The following RIT2 variants were observed in gnomAD, a reference collection of about 807,000 sequenced individuals.
RIT2 encodes the protein Ras like without CAAX 2.
A neutral mutation model predicts 23.7 loss-of-function variants in RIT2; 24 were observed. The observed-to-expected ratio is 1.01, with a 90% confidence interval of 0.73 to 1.43. RIT2 has a LOEUF of 1.43. Among genes scored for constraint, RIT2 ranks in the 40% most tolerant of loss-of-function variants. RIT2 has a pLI of 0.00. For synonymous variants in RIT2, 107 were observed against 91.1 expected (o/e 1.17, Z -0.99); for missense variants, 236 against 266.9 (o/e 0.88, Z 0.81).
intron 4 of RIT2, among the ~76,000 whole-genome samples, chr18:42,812,678 G>A (rs1444532829): frequency 6.6e-6 from 1 of 152,082 alleles, no homozygotes; most frequent in Non-Finnish European, 1.5e-5. Flanking sequence ...GTGTTTTATG[G>A]AAGGGGAGAA....
At chr18:43,001,299 G>A (rs1911098812) in intron 2 of RIT2, among the ~76,000 whole-genome samples, 1 of 151,960 alleles carries the variant, frequency 6.6e-6, no homozygotes. Flanking sequence ...GGGCTTCAAT[G>A]TAGGCAGAAA....
intron 4 of RIT2, among the ~76,000 whole-genome samples, chr18:42,766,848 G>A (rs1913434125): frequency 6.6e-6 from 1 of 152,220 alleles, no homozygotes; most frequent in Non-Finnish European, 1.5e-5. Context: ...GGCTGAAAGG[G>A]CCAACTTAGA....
At chr18:42,834,048 GA>G (rs1045130578) in intron 4 of RIT2, among the ~76,000 whole-genome samples, 7 of 152,104 alleles carry the variant, frequency 4.6e-5, no homozygotes, top group Non-Finnish European at 8.8e-5. Context: ...TTCAAACAAA[GA>G]GACGTAAAAT....
At chr18:43,015,348 A>C (rs991903270) in intron 2 of RIT2, among the ~76,000 whole-genome samples, 1 of 151,738 alleles carries the variant, frequency 6.6e-6, no homozygotes, top group Non-Finnish European at 1.5e-5. Flanking sequence ...TCACTGACTC[A>C]GGGAACACCA....
chr18:42,956,785 A>G (rs1023670332), intron 3 of RIT2, among the ~76,000 whole-genome samples: 2 of 152,160 alleles, frequency 1.3e-5, no homozygotes, highest in Non-Finnish European at 2.9e-5. Flanking sequence ...CACAATTTGC[A>G]ATAGGCAGTG....
At chr18:43,027,808 T>C (rs112897995) in intron 2 of RIT2, among the ~76,000 whole-genome samples, 2 of 152,068 alleles carry the variant, frequency 1.3e-5, no homozygotes, top group African/African-American at 4.8e-5. Flanking sequence ...TGCAATTTCA[T>C]AAAAGGTTTA....
At chr18:42,835,959 T>C (rs1906592257) in intron 4 of RIT2, among the ~76,000 whole-genome samples, 1 of 152,198 alleles carries the variant, frequency 6.6e-6, no homozygotes, top group South Asian at 2.1e-4. Context: ...TTTCACTTCT[T>C]TGGGCTTCAG....
intron 1 of RIT2, among the ~76,000 whole-genome samples, chr18:43,111,843 C>T (rs1429231691): frequency 1.3e-5 from 2 of 152,080 alleles, no homozygotes; most frequent in Non-Finnish European, 2.9e-5. Flanking sequence ...TCTGACTCTG[C>T]CACTGCTGTA....
intron 4 of RIT2, among the ~76,000 whole-genome samples, chr18:42,898,152 A>G (rs1347836444): frequency 6.6e-6 from 1 of 152,148 alleles, no homozygotes; most frequent in Non-Finnish European, 1.5e-5. Flanking sequence ...CTGAAATCCC[A>G]GCACTTTGGG....
At chr18:42,850,024 A>C (rs1176378594) in intron 4 of RIT2, among the ~76,000 whole-genome samples, 1 of 151,830 alleles carries the variant, frequency 6.6e-6, no homozygotes, top group African/African-American at 2.4e-5. Context: ...ATGTCCCTCC[A>C]ATTTTTAAAT....
intron 2 of RIT2, among the ~76,000 whole-genome samples, chr18:42,982,191 C>T (rs772157082): frequency 6.6e-6 from 1 of 152,182 alleles, no homozygotes; most frequent in Non-Finnish European, 1.5e-5. Context: ...ACTTGGGGAG[C>T]TGCTGGTGTA....
chr18:42,762,124 T>G (rs944304859), intron 4 of RIT2, among the ~76,000 whole-genome samples: 1 of 152,166 alleles, frequency 6.6e-6, no homozygotes, highest in Non-Finnish European at 1.5e-5. Context: ...AAGAGGAAAA[T>G]AATTCTCTGT....
intron 4 of RIT2, among the ~76,000 whole-genome samples, chr18:42,796,460 A>G (rs1255504016): frequency 7.0e-5 from 5 of 71,910 alleles, no homozygotes; most frequent in Admixed American, 3.5e-4. Context: ...CCAAGAACCC[A>G]CCAATTCCGG....
At chr18:43,013,678 T>C (rs1313229316) in intron 2 of RIT2, among the ~76,000 whole-genome samples, 1 of 151,780 alleles carries the variant, frequency 6.6e-6, no homozygotes, top group Non-Finnish European at 1.5e-5. Flanking sequence ...GAGAACATTG[T>C]TTTTGGCACT....
chr18:42,845,499 C>G (rs1201815289), intron 4 of RIT2, among the ~76,000 whole-genome samples: 2 of 150,442 alleles, frequency 1.3e-5, no homozygotes, highest in East Asian at 3.9e-4. Context: ...TTGAGGAACA[C>G]TATTGACAAA....
chr18:42,867,306 T>C (rs1199047986), intron 4 of RIT2, among the ~76,000 whole-genome samples: 2 of 152,170 alleles, frequency 1.3e-5, no homozygotes, highest in African/African-American at 4.8e-5. Context: ...GCCCTAGTCC[T>C]GTATTCCTGA....
intron 4 of RIT2, among the ~76,000 whole-genome samples, chr18:42,756,749 A>T (rs1281233677): frequency 6.6e-6 from 1 of 152,166 alleles, no homozygotes; most frequent in Non-Finnish European, 1.5e-5. Context: ...TATTAAATCA[A>T]TGGTCCTTCT....
chr18:42,850,436 GC>G (rs1907022021), intron 4 of RIT2, among the ~76,000 whole-genome samples: 1 of 152,114 alleles, frequency 6.6e-6, no homozygotes, highest in African/African-American at 2.4e-5. Flanking sequence ...AAATCTGGTG[GC>G]AGACCACATT....
At chr18:43,106,293 CA>C (rs781381132) in intron 1 of RIT2, among the ~76,000 whole-genome samples, 8 of 152,170 alleles carry the variant, frequency 5.3e-5, no homozygotes, top group African/African-American at 1.9e-4. Flanking sequence ...TGAACACAAA[CA>C]CACACTTTAT....
Sources: allele counts gnomAD v4.1 joint callset (sites outside exome capture counted in the v4.1 genomes callset), GRCh38; gene constraint gnomAD v4.1.1; transcripts MANE v1.5; gene names NCBI Gene and HGNC (gene_info 2026-07-23, HGNC 2026-07-21).